MTUS2: variants seen among roughly 807,000 people sequenced by gnomAD.
MTUS2 encodes the protein microtubule-associated tumor suppressor candidate 2.
Under a neutral mutation model 114.1 loss-of-function variants are expected in MTUS2, and 40 were observed. The observed-to-expected ratio is 0.35, with a 90% confidence interval of 0.27 to 0.46. The LOEUF (loss-of-function observed/expected upper bound fraction) is 0.46, where lower values mean the gene tolerates loss of function less well. Ranked by LOEUF, MTUS2 falls within the 20% of genes least tolerant of loss-of-function variation. The probability of loss-of-function intolerance (pLI) is 1.00; values close to 1 mark genes in which losing one functional copy is unlikely to be tolerated. For missense variants in MTUS2, 1,679 were observed against 1,705.4 expected (o/e 0.98, Z 0.27); for synonymous variants, 688 against 672.0 (o/e 1.02, Z -0.37).
At chr13:28,990,081 T>C (rs1296816439) in intron 2 of MTUS2, among the ~76,000 whole-genome samples, 2 of 152,096 alleles carry the variant, frequency 1.3e-5, no homozygotes, top group Non-Finnish European at 1.5e-5. Flanking sequence ...GTCTTGTGGA[T>C]TGGGGCTTCA....
At chr13:29,275,448 A>G (rs1300962243) in intron 5 of MTUS2, among the ~76,000 whole-genome samples, 1 of 152,192 alleles carries the variant, frequency 6.6e-6, no homozygotes, top group East Asian at 1.9e-4. Context: ...CTGTTATCCT[A>G]GTAAATACTA....
intron 9 of MTUS2, among the ~76,000 whole-genome samples, chr13:29,445,525 G>A (rs951396229): frequency 6.6e-6 from 1 of 152,154 alleles, no homozygotes; most frequent in Non-Finnish European, 1.5e-5. Flanking sequence ...GGGTGAGGTG[G>A]GGAGTTTCCA....
At chr13:29,213,566 C>G (rs1240028307) in intron 5 of MTUS2, among the ~76,000 whole-genome samples, 1 of 152,146 alleles carries the variant, frequency 6.6e-6, no homozygotes, top group African/African-American at 2.4e-5. Context: ...GAATTGGCCA[C>G]TTTATCATTA....
At chr13:28,938,521 G>C (rs780217918) in intron 2 of MTUS2, among the ~76,000 whole-genome samples, 8 of 151,828 alleles carry the variant, frequency 5.3e-5, no homozygotes, top group Non-Finnish European at 1.0e-4. Flanking sequence ...GATATATACT[G>C]CAAAGAAGGT....
intron 4 of MTUS2, among the ~76,000 whole-genome samples, chr13:29,072,453 A>G (rs1029790399): frequency 3.3e-5 from 5 of 152,196 alleles, no homozygotes; most frequent in Admixed American, 1.3e-4. Context: ...GCTTTGCAGT[A>G]TTGTAAAATG....
At chr13:28,829,194 C>A (rs1350763170) in intron 1 of MTUS2, among the ~76,000 whole-genome samples, 1 of 152,122 alleles carries the variant, frequency 6.6e-6, no homozygotes, top group African/African-American at 2.4e-5. Flanking sequence ...TTACCTTATT[C>A]CCATTCCTTC....
At chr13:29,038,914 C>A (rs1437237570) in intron 4 of MTUS2, among the ~76,000 whole-genome samples, 1 of 152,214 alleles carries the variant, frequency 6.6e-6, no homozygotes, top group Non-Finnish European at 1.5e-5. Context: ...AGGCTGCGGG[C>A]GGGCCTGGGG....
chr13:29,086,995 C>T (rs1889720599), intron 4 of MTUS2, among the ~76,000 whole-genome samples: 1 of 152,188 alleles, frequency 6.6e-6, no homozygotes, highest in South Asian at 2.1e-4. Context: ...TTTCTAGGAG[C>T]CTTCTGAAGG....
chr13:29,390,696 G>A lies in MTUS2; in HGVS notation c.3117+31223G>A, dbSNP rs530517438. 5.0e-4 allele frequency among the ~76,000 whole-genome samples: 75 copies of A among 151,504 alleles called. 1 individual carries two copies. The highest frequency in any genetic ancestry group is 3.5e-3 in the Middle Eastern group (1 of 286). Reference sequence around the variant, plus strand: ...AAAGAAAATATGTATTAGGGTCCCCGTTGGGGTAAAATCGGTGTTGGTTTA... The same window carrying A: ...AAAGAAAATATGTATTAGGGTCCCCATTGGGGTAAAATCGGTGTTGGTTTA... On this transcript the variant is annotated intron_variant, in intron 8 of 15. Transcript: ENST00000612955.
At chr13:28,991,462 G>A (rs145890505) in intron 2 of MTUS2, among the ~76,000 whole-genome samples, 27,733 of 150,932 alleles carry the variant, frequency 0.18, 3,037 homozygotes, top group South Asian at 0.29. Flanking sequence ...TCCGCCTCCC[G>A]GGTTCACGCC....
intron 5 of MTUS2, among the ~76,000 whole-genome samples, chr13:29,201,869 A>T (rs947076906): frequency 2.0e-5 from 3 of 152,060 alleles, no homozygotes; most frequent in Admixed American, 6.5e-5. Flanking sequence ...CTGCGGAGAG[A>T]TCTGCTGTTA....
At chr13:29,059,555 C>A (rs1888312200) in intron 4 of MTUS2, among the ~76,000 whole-genome samples, 2 of 152,012 alleles carry the variant, frequency 1.3e-5, no homozygotes, top group Non-Finnish European at 2.9e-5. Context: ...GCAGGTGTGG[C>A]CCATCTGGCT....
chr13:29,341,367 C>T (rs188531397), intron 7 of MTUS2, among the ~76,000 whole-genome samples: 13 of 152,174 alleles, frequency 8.5e-5, no homozygotes, highest in African/African-American at 2.2e-4. Context: ...AGGTGGTTAT[C>T]GCATTGTGGC....
intron 2 of MTUS2, among the ~76,000 whole-genome samples, chr13:28,860,414 A>G (rs1876896900): frequency 6.6e-6 from 1 of 152,116 alleles, no homozygotes. Context: ...ACCAGGCCGG[A>G]ATGTGGGATT....
At chr13:28,821,030 G>T (rs1353680821) in intron 1 of MTUS2, among the ~76,000 whole-genome samples, 1 of 151,708 alleles carries the variant, frequency 6.6e-6, no homozygotes, top group East Asian at 1.9e-4. Context: ...TTCTGTGCCT[G>T]TGCACAGAAG....
chr13:28,972,046 C>A (rs1230611938), intron 2 of MTUS2, among the ~76,000 whole-genome samples: 1 of 152,182 alleles, frequency 6.6e-6, no homozygotes, highest in South Asian at 2.1e-4. Flanking sequence ...TCAAATTTCA[C>A]AAGATATAGA....
Position 28,879,766 on chromosome 13 carries a change from T to C in MTUS2, c.-243+39916T>C, listed in dbSNP as rs1040429717. Among the ~76,000 whole-genome samples, 12 of 152,048 alleles carry C rather than the reference T, an allele frequency of 7.9e-5. 1 individual carries two copies. Among genetic ancestry groups the C allele is most frequent in the Admixed American group, 5.2e-4 (8 of 15,278 alleles). On this transcript the variant is annotated intron_variant, in intron 2 of 15. Coordinates refer to ENST00000612955, the MANE Select transcript of MTUS2 (RefSeq NM_001033602.4). Reference sequence around the variant, plus strand: ...GGAGGGAAAACTCTCTAAAGTGAGGTCAAAGAATTTCCTTTTAGGGTTGAG... The same window carrying C: ...GGAGGGAAAACTCTCTAAAGTGAGGCCAAAGAATTTCCTTTTAGGGTTGAG...
intron 1 of MTUS2, among the ~76,000 whole-genome samples, chr13:28,821,951 G>A (rs561784125): frequency 6.6e-6 from 1 of 152,176 alleles, no homozygotes; most frequent in Non-Finnish European, 1.5e-5. Flanking sequence ...ATAATTCCAT[G>A]TAGAATACTT....
chr13:29,004,816 T>C (rs1885534736), intron 2 of MTUS2, among the ~76,000 whole-genome samples: 1 of 152,190 alleles, frequency 6.6e-6, no homozygotes, highest in South Asian at 2.1e-4. Context: ...GATCCTCGTC[T>C]GAAGGAGCTG....
Sources: gnomAD v4.1 joint callset for allele counts (sites outside exome capture counted in the v4.1 genomes callset) on GRCh38, gnomAD v4.1.1 for gene constraint, MANE v1.5 for transcripts, NCBI Gene and HGNC (gene_info 2026-07-23, HGNC 2026-07-21) for gene names.